ITFG1: variants seen among roughly 807,000 people sequenced by gnomAD.
ITFG1 encodes the protein T-cell immunomodulatory protein.
Under a neutral mutation model 81.8 loss-of-function variants are expected in ITFG1, and 34 were observed. That is an observed-to-expected ratio of 0.42 (90% CI 0.32 to 0.55). The LOEUF is 0.55. ITFG1 is among the 20% of genes least tolerant of loss of function. ITFG1 has a pLI of 0.17. For missense variants in ITFG1, 672 were observed against 755.4 expected, an observed-to-expected ratio of 0.89 and a Z score of 1.29; for synonymous variants, 285 against 270.6, an observed-to-expected ratio of 1.05 and a Z score of -0.52.
chr16:47,250,527 T>C (rs1966060111), intron 12 of ITFG1, among the ~76,000 whole-genome samples: 1 of 152,096 alleles, frequency 6.6e-6, no homozygotes, highest in Non-Finnish European at 1.5e-5. Context: ...AAGGTATACA[T>C]ATACTAAAAT....
chr16:47,159,723 C>T (rs997291813), intron 16 of ITFG1, among the ~76,000 whole-genome samples: 2 of 152,214 alleles, frequency 1.3e-5, no homozygotes, highest in Non-Finnish European at 2.9e-5. Flanking sequence ...GTTATATACA[C>T]ATAACTTTTT....
intron 7 of ITFG1, among the ~76,000 whole-genome samples, chr16:47,371,680 G>C (rs1968255518): frequency 6.6e-6 from 1 of 152,116 alleles, no homozygotes; most frequent in African/African-American, 2.4e-5. Flanking sequence ...TCTCAACTGA[G>C]GGAATTTTAG....
At chr16:47,237,793 T>G (rs1439142339) in intron 13 of ITFG1, among the ~76,000 whole-genome samples, 172 bp downstream of exon 13, 1 of 152,142 alleles carries the variant, frequency 6.6e-6, no homozygotes, top group Non-Finnish European at 1.5e-5. Flanking sequence ...GGTAAGACAT[T>G]TTTTTAGGAA....
chr16:47,415,377 G>T (rs1038055401), intron 6 of ITFG1, among the ~76,000 whole-genome samples: 1 of 152,166 alleles, frequency 6.6e-6, no homozygotes, highest in African/African-American at 2.4e-5. Context: ...GTGGATTATC[G>T]AAGAAAGTGA....
chr16:47,263,492 T>C (rs1017918593), intron 10 of ITFG1: 1 of 350,132 alleles, frequency 2.9e-6, no homozygotes, highest in Non-Finnish European at 5.7e-6. Context: ...GTATGATGGA[T>C]CTACCCCAGG....
chr16:47,158,292 A>G (rs1235968913), intron 17 of ITFG1, among the ~76,000 whole-genome samples: 1 of 152,056 alleles, frequency 6.6e-6, no homozygotes, highest in Non-Finnish European at 1.5e-5. Flanking sequence ...ACGGGGTTTC[A>G]TCATGTTGCC....
chr16:47,431,429 G>T (rs1288791158), intron 5 of ITFG1, among the ~76,000 whole-genome samples: 3 of 152,172 alleles, frequency 2.0e-5, no homozygotes, highest in African/African-American at 7.2e-5. Context: ...AATGCCTGAT[G>T]ATCTGAGGTG....
intron 10 of ITFG1, among the ~76,000 whole-genome samples, chr16:47,304,775 CAAAA>C (rs374363089): frequency 1.3e-5 from 2 of 151,564 alleles, no homozygotes; most frequent in Non-Finnish European, 2.9e-5. Flanking sequence ...TAAGATTTAC[CAAAA>C]AAAAGTGCAA....
chr16:47,178,084 T>C (rs1965052508), intron 14 of ITFG1, among the ~76,000 whole-genome samples: 2 of 152,368 alleles, frequency 1.3e-5, no homozygotes, highest in African/African-American at 2.4e-5. Flanking sequence ...TTTTAGGCTA[T>C]AGTCACCTGA....
intron 7 of ITFG1, among the ~76,000 whole-genome samples, chr16:47,368,938 T>G (rs192175279): frequency 6.6e-6 from 1 of 152,124 alleles, no homozygotes. Context: ...CAGAACACAT[T>G]AGACATGTGA....
chr16:47,420,258 A>T (rs1362595683), intron 6 of ITFG1, among the ~76,000 whole-genome samples: 1 of 152,174 alleles, frequency 6.6e-6, no homozygotes, highest in Non-Finnish European at 1.5e-5. Flanking sequence ...GTGGCCTAAC[A>T]TCTGGTCTGT....
intron 5 of ITFG1, among the ~76,000 whole-genome samples, chr16:47,431,455 G>A (rs991284640): frequency 1.8e-4 from 27 of 152,062 alleles, no homozygotes; most frequent in African/African-American, 4.6e-4. Flanking sequence ...ATTTTATCCC[G>A]AAACCACCCC....
At chr16:47,347,152 C>A (rs1308109702) in intron 8 of ITFG1, among the ~76,000 whole-genome samples, 1 of 152,248 alleles carries the variant, frequency 6.6e-6, no homozygotes, top group Non-Finnish European at 1.5e-5. Flanking sequence ...GCATTTCCAA[C>A]TCAGGTACCG....
rs1487738065 is a variant in ITFG1, at chr16:47,460,930, G to T, written c.116C>A (p.Ala39Asp). 8 of 1,612,642 alleles carry T rather than the reference G, an allele frequency of 5.0e-6. No individual in the cohort carries two copies. Among genetic ancestry groups the T allele is most frequent in the Non-Finnish European group, 6.8e-6 (8 of 1,179,760 alleles). ...VPARALHNVTAELFGAEAWGT... is the reference protein window; with the variant it reads ...VPARALHNVTDELFGAEAWGT... ...CCAGGCCTCGGCCCCAAAGAGCTCG[G>T]CCGTGACGTTGTGCAGCGCCCGCGC... The change falls in exon 1 of 18, where the codon GCC (alanine) becomes GAC (aspartate). Residue 39 changes from alanine (A) to aspartate (D), a missense_variant. By Grantham distance (126) the Ala-to-Asp change is moderately radical. Transcript: ENST00000320640.
At chr16:47,204,442 C>A (rs1965466809) in intron 14 of ITFG1, among the ~76,000 whole-genome samples, 2 of 152,316 alleles carry the variant, frequency 1.3e-5, no homozygotes, top group South Asian at 4.1e-4. Context: ...CCTTTTCTTC[C>A]TAAACTGCTT....
intron 8 of ITFG1, among the ~76,000 whole-genome samples, chr16:47,354,944 A>G (rs1968018057): frequency 6.6e-6 from 1 of 152,116 alleles, no homozygotes. Context: ...GTTGGTGGGA[A>G]TGTAAATTAG....
At chr16:47,250,619 T>C (rs1289531961) in intron 12 of ITFG1, among the ~76,000 whole-genome samples, 1 of 152,192 alleles carries the variant, frequency 6.6e-6, no homozygotes, top group Admixed American at 6.5e-5. Flanking sequence ...GTCAGTATGT[T>C]TGAAATAACT....
At chr16:47,281,253 T>C (rs1966448475) in intron 10 of ITFG1, among the ~76,000 whole-genome samples, 1 of 152,182 alleles carries the variant, frequency 6.6e-6, no homozygotes, top group Non-Finnish European at 1.5e-5. Flanking sequence ...GGCACACAAG[T>C]GGTACTGGAG....
intron 5 of ITFG1, among the ~76,000 whole-genome samples, chr16:47,446,461 T>C (rs1969326075): frequency 6.6e-6 from 1 of 152,188 alleles, no homozygotes; most frequent in Non-Finnish European, 1.5e-5. Context: ...TTATACTTTG[T>C]CCCAATGTTT....
Sources: gnomAD v4.1 joint callset for allele counts (sites outside exome capture counted in the v4.1 genomes callset) on GRCh38, gnomAD v4.1.1 for gene constraint, MANE v1.5 for transcripts, NCBI Gene and HGNC (gene_info 2026-07-23, HGNC 2026-07-21) for gene names.